Variants in SOX6 observed in about 807,000 individuals in gnomAD.
SOX6 encodes the protein transcription factor SOX-6.
A neutral mutation model predicts 97.8 loss-of-function variants in SOX6; 11 were observed. That is an observed-to-expected ratio of 0.11 (90% CI 0.07 to 0.19). The LOEUF is 0.19. Ranked by LOEUF, SOX6 falls within the 10% of genes least tolerant of loss-of-function variation. The pLI, the probability that SOX6 is intolerant of heterozygous loss-of-function variation, is 1.00. For missense variants in SOX6, 810 were observed against 1,039.5 expected (o/e 0.78, Z 3.04); for synonymous variants, 360 against 371.4 (o/e 0.97, Z 0.35).
chr11:16,723,837 C>A (rs1280816380), intron 2 of SOX6, among the ~76,000 whole-genome samples: 1 of 152,026 alleles, frequency 6.6e-6, no homozygotes, highest in Non-Finnish European at 1.5e-5. Flanking sequence ...TTTCCCCTCT[C>A]AACTAAGAAA....
intron 3 of SOX6, among the ~76,000 whole-genome samples, chr11:16,285,760 C>T (rs1854717477): frequency 6.6e-6 from 1 of 151,996 alleles, no homozygotes; most frequent in Non-Finnish European, 1.5e-5. Context: ...TGAGATGTTG[C>T]CTGATCCTAA....
intron 13 of SOX6, among the ~76,000 whole-genome samples, chr11:15,995,708 C>A (rs570396593): frequency 1.8e-4 from 28 of 151,990 alleles, no homozygotes; most frequent in Middle Eastern, 6.8e-3. Flanking sequence ...CTTCTGAAAA[C>A]CAAAGACAAA....
At chr11:16,349,715 A>AGGAAGGAAGGAAGGAAGGAAGAGGGAAG (rs369882029) in intron 1 of SOX6, among the ~76,000 whole-genome samples, 1 of 41,730 alleles carries the variant, frequency 2.4e-5, no homozygotes, top group Non-Finnish European at 4.7e-5. Context: ...GAAGGAAGGA[A>AGGAAGGAAGGAAGGAAGGAAGAGGGAAG]GAAGGAAGGA....
intron 3 of SOX6, among the ~76,000 whole-genome samples, chr11:16,709,542 CT>C (rs1197183509): frequency 6.6e-6 from 1 of 151,994 alleles, no homozygotes; most frequent in African/African-American, 2.4e-5. Context: ...TGTGTGGCAC[CT>C]GCCCTCTTCT....
chr11:16,521,729 GA>G (rs1000589736), intron 4 of SOX6, among the ~76,000 whole-genome samples: 5 of 152,056 alleles, frequency 3.3e-5, no homozygotes, highest in African/African-American at 1.2e-4. Context: ...TAAAAACTTT[GA>G]AAAAAATTTA....
intron 3 of SOX6, 69 bp from the exon 4 acceptor site, chr11:16,234,740 G>A (rs1423625291): frequency 2.2e-6 from 2 of 928,376 alleles, no homozygotes; most frequent in Non-Finnish European, 3.2e-6. Context: ...AGTTTATGGG[G>A]AAATTCTCAT....
chr11:16,728,642 C>T (rs1193176257), intron 2 of SOX6, among the ~76,000 whole-genome samples: 1 of 152,156 alleles, frequency 6.6e-6, no homozygotes, highest in African/African-American at 2.4e-5. Context: ...TACAAAAATG[C>T]TGAAAATTCC....
intron 4 of SOX6, among the ~76,000 whole-genome samples, chr11:16,524,102 G>T (rs1016126451): frequency 1.3e-5 from 2 of 152,206 alleles, no homozygotes; most frequent in African/African-American, 2.4e-5. Context: ...AATAGAAAAA[G>T]AGGAAATCCT....
At chr11:16,581,650 CATA>C (rs2133967254) in intron 4 of SOX6, among the ~76,000 whole-genome samples, 1 of 152,020 alleles carries the variant, frequency 6.6e-6, no homozygotes, top group Admixed American at 6.6e-5. Context: ...CATGAAATGC[CATA>C]ATACTAGGCA....
intron 1 of SOX6, among the ~76,000 whole-genome samples, chr11:16,386,792 T>C (rs1002352907): frequency 1.3e-5 from 2 of 152,174 alleles, no homozygotes; most frequent in East Asian, 3.8e-4. Context: ...TCATAGTATT[T>C]ATTATCCTAC....
chr11:16,078,162 C>T (rs1307341236), intron 9 of SOX6, among the ~76,000 whole-genome samples: 8 of 152,116 alleles, frequency 5.3e-5, no homozygotes, highest in Non-Finnish European at 1.2e-4. Flanking sequence ...GATGTGTTTT[C>T]CTTTTGTTTC....
intron 12 of SOX6, among the ~76,000 whole-genome samples, chr11:16,044,995 C>T (rs1034820966): frequency 6.7e-6 from 1 of 150,068 alleles, no homozygotes; most frequent in African/African-American, 2.5e-5. Flanking sequence ...TATCTATCAT[C>T]TATGTATCTA....
chr11:16,186,834 T>C lies in SOX6; in HGVS notation c.657A>G (p.Gln219=), dbSNP rs1851492473. The change falls in exon 5 of 16, where the codon CAA becomes CAG. Residue 219 remains glutamine (Q), a synonymous_variant. Coordinates refer to ENST00000683767, the MANE Select transcript of SOX6 (RefSeq NM_001367873.1). ...HDEQKKLAAS[Q]IEKQRQQMDL... is the part of the protein sequence containing the mutation. Reference sequence around the variant, plus strand: ...CCATTTGCTGCCGTTGTTTCTCAATTTGTGACGCTGCCAGTTTTTTCTGTT... The same window carrying C: ...CCATTTGCTGCCGTTGTTTCTCAATCTGTGACGCTGCCAGTTTTTTCTGTT... The C allele has an allele frequency of 1.9e-6, 3 of 1,613,804 alleles. No homozygotes were observed. Among genetic ancestry groups the C allele is most frequent in the African/African-American group, 2.7e-5 (2 of 74,988 alleles).
intron 4 of SOX6, among the ~76,000 whole-genome samples, chr11:16,190,279 T>G (rs1331175135): frequency 6.6e-6 from 1 of 152,222 alleles, no homozygotes; most frequent in Admixed American, 6.5e-5. Context: ...TAAACACTCA[T>G]ATAAGGCTGT....
At chr11:16,589,007 G>C (rs933272971) in intron 4 of SOX6, among the ~76,000 whole-genome samples, 1 of 152,180 alleles carries the variant, frequency 6.6e-6, no homozygotes, top group Non-Finnish European at 1.5e-5. Flanking sequence ...CTCTGTGACA[G>C]AGTGAGACCA....
chr11:16,327,224 T>A (rs980455618), intron 2 of SOX6, among the ~76,000 whole-genome samples: 9 of 152,280 alleles, frequency 5.9e-5, no homozygotes, highest in African/African-American at 2.2e-4. Flanking sequence ...TATAATTATA[T>A]CTTCAAATCG....
chr11:16,091,242 C>T lies in SOX6; in HGVS notation c.1101+4754G>A, dbSNP rs199650726. On this transcript the variant is annotated intron_variant, in intron 9 of 15. Transcript: ENST00000683767. ...GCATGCATTCTCTTCAAAGCAGAGC[C>T]CCATGGCTGGCATCCTCAAAACAAG... Among the ~76,000 whole-genome samples the T allele has an allele frequency of 5.3e-5, 8 of 152,164 alleles. No homozygotes were observed. In the East Asian group the frequency reaches 1.5e-3, roughly 29 times the overall value.
At chr11:16,732,287 T>A (rs1848356272) in intron 2 of SOX6, among the ~76,000 whole-genome samples, 1 of 152,186 alleles carries the variant, frequency 6.6e-6, no homozygotes, top group African/African-American at 2.4e-5. Flanking sequence ...CAGACAATCC[T>A]AAGCAAAAAG....
chr11:16,515,428 T>C (rs1298417941), intron 4 of SOX6, among the ~76,000 whole-genome samples: 3 of 145,754 alleles, frequency 2.1e-5, no homozygotes, highest in African/African-American at 7.5e-5. Flanking sequence ...TTTGAGTTCA[T>C]TGTAGATTCT....
Sources: allele counts gnomAD v4.1 joint callset (sites outside exome capture counted in the v4.1 genomes callset), GRCh38; gene constraint gnomAD v4.1.1; transcripts MANE v1.5; gene names NCBI Gene and HGNC (gene_info 2026-07-23, HGNC 2026-07-21).